ANO8: variants seen among roughly 807,000 people sequenced by gnomAD.
ANO8 encodes anoctamin-8.
Under a neutral mutation model 120.4 loss-of-function variants are expected in ANO8, and 67 were observed. The observed-to-expected ratio is 0.56, with a 90% confidence interval of 0.46 to 0.68. The LOEUF (loss-of-function observed/expected upper bound fraction) is 0.68. Ranked by LOEUF, ANO8 falls within the 30% of genes least tolerant of loss-of-function variation. ANO8 has a pLI of 0.00. For missense variants in ANO8, 1,526 were observed against 1,737.6 expected (o/e 0.88, Z 2.16); for synonymous variants, 727 against 759.2 (o/e 0.96, Z 0.70).
Position 17,323,452 on chromosome 19 carries a change from G to T in ANO8, c.*65C>A. On this transcript the variant is annotated 3_prime_UTR_variant, in exon 18 of 18. Transcript: ENST00000159087. ...GGGGCTGAAGCGCATTTTGCATTTT[G>T]GAGACCGGCCGCCCCTGTGAATGAC... The T allele has an allele frequency of 7.8e-7, 1 of 1,274,330 alleles. No individual in the cohort carries two copies. The highest frequency in any genetic ancestry group is 3.1e-5 in the Admixed American group (1 of 32,064). 78.9% of individuals were successfully genotyped at this position (1,274,330 alleles called of 1,614,324 possible).
In ANO8 at chr19:17,334,827, T is replaced by A. The variant is rs899596661; in HGVS notation, c.-157A>T. On this transcript the variant is annotated 5_prime_UTR_variant, in exon 1 of 18. Coordinates refer to ENST00000159087, the MANE Select transcript of ANO8 (RefSeq NM_020959.3). ...TCCTCGCTCGCCCGAGCGCTGCTTC[T>A]CGTCCCCGCCCGAGCCGAACCTCGA... 1.4e-4 allele frequency: 176 copies of A among 1,260,172 alleles called. No homozygotes were observed. Among genetic ancestry groups the A allele is most frequent in the Non-Finnish European group, 1.8e-4 (171 of 947,450 alleles). The allele number at this position is 1,260,172 out of a possible 1,614,324, so 78.1% of individuals were successfully genotyped here.
intron 17 of ANO8, 146 bp downstream of exon 17, chr19:17,324,571 G>T (rs2074260011): frequency 2.2e-6 from 3 of 1,348,364 alleles, no homozygotes; most frequent in Non-Finnish European, 2.9e-6. Context: ...TAACTGAGAG[G>T]CTCCACGTAC....
At position 17,323,483 on chromosome 19, in the gene ANO8, T is replaced by A; in HGVS notation, c.*34A>T. ...CGGCCGCCCCTGTGAATGACTGATA[T>A]TGCATATGAGAAGAGAAGGCAGGGC... On this transcript the variant is annotated 3_prime_UTR_variant, in exon 18 of 18. Coordinates refer to ENST00000159087, the MANE Select transcript of ANO8 (RefSeq NM_020959.3). 3.1e-6 allele frequency: 4 copies of A among 1,288,806 alleles called. No individual in the cohort carries two copies. Among genetic ancestry groups the A allele is most frequent in the Non-Finnish European group, 3.9e-6 (4 of 1,017,358 alleles). The allele number at this position is 1,288,806 out of a possible 1,614,324, so 79.8% of individuals were successfully genotyped here.
Position 17,327,835 on chromosome 19 carries a change from C to T in ANO8, c.2272G>A (p.Val758Ile), listed in dbSNP as rs781382199. ...GGGAAGGCGGACGAGAAGAGCACAA[C>T]GTAGCCGAACTGCACGAACATCTCC... ...YQEMFVQFGY[V>I]VLFSSAFPLA... The change falls in exon 14 of 18, where the codon GTT (valine) becomes ATT (isoleucine). Residue 758 changes from valine (V) to isoleucine (I), a missense_variant. Around this residue, in one of 8 missense-constraint regions of ANO8, gnomAD observed 77 missense variants for 131.5 expected, o/e 0.59. Coordinates refer to ENST00000159087, the MANE Select transcript of ANO8 (RefSeq NM_020959.3). The T allele has an allele frequency of 3.1e-6, 5 of 1,614,184 alleles. No individual in the cohort carries two copies. The South Asian group carries it at 3.3e-5, about 11-fold the overall frequency.
chr19:17,327,474 G>T lies in ANO8; in HGVS notation c.2514C>A (p.Ser838Arg), dbSNP rs920116771. The T allele has an allele frequency of 6.2e-7, 1 of 1,613,028 alleles. No individual in the cohort carries two copies. The highest frequency in any genetic ancestry group is 1.1e-5 in the South Asian group (1 of 91,050). Residue 838 changes from serine (S) to arginine (R), a missense_variant, in exon 15 of 18, where the codon AGC becomes AGA. Physicochemically the swap from Ser to Arg is moderately radical, Grantham distance 110 (BLOSUM62 -1). Around this residue, in one of 8 missense-constraint regions of ANO8, gnomAD observed 77 missense variants for 131.5 expected, o/e 0.59. Transcript: ENST00000159087. ...GQLQRLFPWLSPEAAIVSVVV... is the reference protein window; with the variant it reads ...GQLQRLFPWLRPEAAIVSVVV... Reference sequence around the variant, plus strand: ...CCACCGACACGATGGCTGCCTCCGGGCTCAGCCAGGGGAAGAGGCGCTGCA... The same window carrying T: ...CCACCGACACGATGGCTGCCTCCGGTCTCAGCCAGGGGAAGAGGCGCTGCA...
intron 8 of ANO8, 83 bp downstream of exon 8, chr19:17,330,745 C>A (rs1460413863): frequency 6.6e-7 from 1 of 1,521,710 alleles, no homozygotes; most frequent in Non-Finnish European, 8.8e-7. Context: ...CTGTTTCACA[C>A]CTCTCTGCCT....
intron 16 of ANO8, among the ~76,000 whole-genome samples, chr19:17,325,800 C>T (rs549215112): frequency 6.6e-6 from 1 of 152,288 alleles, no homozygotes; most frequent in East Asian, 1.9e-4. Flanking sequence ...TGGTGGCACA[C>T]GCCTGTAATT....
rs200606316 is a variant in ANO8, at chr19:17,327,752, G to A, written c.2355C>T (p.Phe785=). 15 of 1,614,116 alleles carry A rather than the reference G, an allele frequency of 9.3e-6. No homozygotes were observed. In the Admixed American group the frequency reaches 2.5e-4, roughly 27 times the overall value. ...NNLIEIRSDA[F]KLCTGLQRPF... is the part of the protein sequence containing the mutation. The stretch of plus-strand genomic sequence containing the variant: ...GCCGCTGCAGCCCGGTGCACAGCTT[G>A]AAGGCGTCGCTGCGGATCTCAATGA... The change falls in exon 14 of 18, where the codon TTC becomes TTT. Residue 785 remains phenylalanine, a synonymous_variant. Coordinates refer to ENST00000159087, the MANE Select transcript of ANO8 (RefSeq NM_020959.3).
chr19:17,334,774 A>T lies in ANO8; in HGVS notation c.-104T>A. ...CGGAGCGCGCGGGAGGAGGAGACAA[A>T]GGCCGCGCCCGCCCGCGCCGGCCTC... On this transcript the variant is annotated 5_prime_UTR_variant, in exon 1 of 18. Coordinates refer to ENST00000159087, the MANE Select transcript of ANO8 (RefSeq NM_020959.3). 2 of 1,168,392 alleles carry T rather than the reference A, an allele frequency of 1.7e-6. No homozygotes were observed. Among genetic ancestry groups the T allele is most frequent in the Non-Finnish European group, 2.3e-6 (2 of 884,336 alleles). The allele number at this position is 1,168,392 out of a possible 1,614,324, so 72.4% of individuals were successfully genotyped here. A position where few individuals can be genotyped will look rare whatever the true frequency, so the allele number is the denominator to read the frequency against.
chr19:17,327,763 T>C lies in ANO8; in HGVS notation c.2344A>G (p.Ser782Gly). 6.2e-7 allele frequency: 1 copy of C among 1,614,118 alleles called. No homozygotes were observed. The highest frequency in any genetic ancestry group is 8.5e-7 in the Non-Finnish European group (1 of 1,180,006). Residue 782 changes from serine (S) to glycine (G), a missense_variant, in exon 14 of 18, where the codon AGC becomes GGC. Transcript: ENST00000159087. ...ALVNNLIEIR[S>G]DAFKLCTGLQ... is the part of the protein sequence containing the mutation. ...CCGGTGCACAGCTTGAAGGCGTCGC[T>C]GCGGATCTCAATGAGGTTGTTGACC...
chr19:17,324,814 G>A lies in ANO8; in HGVS notation c.3234C>T (p.Thr1078=). ...GAACCCGGCTGCTGCCACTGCTGGG[G>A]GTCCCATCTGGCCGGGCCTGCCCGC... The part of the protein sequence containing the change: ...GAGGQARPDG[T]PSSGSSRVQR... Residue 1078 remains threonine (T), a synonymous_variant, in exon 17 of 18, where the codon ACC becomes ACT. Coordinates refer to ENST00000159087, the MANE Select transcript of ANO8 (RefSeq NM_020959.3). 3.1e-6 allele frequency: 5 copies of A among 1,604,848 alleles called. No individual in the cohort carries two copies. The highest frequency in any genetic ancestry group is 4.3e-6 in the Non-Finnish European group (5 of 1,175,376).
Position 17,333,300 on chromosome 19 carries a change from G to A in ANO8, c.351-61C>T, listed in dbSNP as rs2074333615. The A allele has an allele frequency of 1.2e-6, 2 of 1,601,846 alleles. No homozygotes were observed. The highest frequency in any genetic ancestry group is 1.1e-5 in the South Asian group (1 of 90,532). ...GGCCCCGGCCCACCATCCTGGAGCTGAGGATGGTGCACCTGGCAGCCTTTG... is the reference window on the plus strand; with the variant it reads ...GGCCCCGGCCCACCATCCTGGAGCTAAGGATGGTGCACCTGGCAGCCTTTG... On this transcript the variant is annotated intron_variant, in intron 3 of 17. Coordinates refer to ENST00000159087, the MANE Select transcript of ANO8 (RefSeq NM_020959.3). This position sits in a 1 kb window ranked among gnomAD's most constrained non-coding sequence, Gnocchi z 7.2.
rs1223002067 is a variant in ANO8, at chr19:17,324,996, C to T, written c.3052G>A (p.Asp1018Asn). ...PPPAQSPTGS[D>N]TRLPAFLSFK... ...CTGAGGAAGGCAGGCAGGCGGGTGTCGCTGCCTGTGGGTGACTGGGCAGGG... is the reference window on the plus strand; with the variant it reads ...CTGAGGAAGGCAGGCAGGCGGGTGTTGCTGCCTGTGGGTGACTGGGCAGGG... The change falls in exon 17 of 18, where the codon GAC becomes AAC. Residue 1018 changes from aspartate to asparagine, a missense_variant. Physicochemically the swap from Asp to Asn is conservative, Grantham distance 23 (BLOSUM62 1). Transcript: ENST00000159087. 1.1e-5 allele frequency: 17 copies of T among 1,612,680 alleles called. No individual in the cohort carries two copies. Among genetic ancestry groups the T allele is most frequent in the Admixed American group, 1.7e-5 (1 of 59,996 alleles).
chr19:17,329,422 C>G, intron 12 of ANO8: 1 of 402,898 alleles, frequency 2.5e-6, no homozygotes, highest in Non-Finnish European at 4.5e-6. Context: ...TGGCCCGGGC[C>G]GCGAGCAGGA....
In ANO8 at chr19:17,324,802, G is replaced by A; in HGVS notation, c.3246C>T (p.Gly1082=). The change falls in exon 17 of 18, where the codon GGC becomes GGT. Residue 1082 remains glycine (G), a synonymous_variant. Coordinates refer to ENST00000159087, the MANE Select transcript of ANO8 (RefSeq NM_020959.3). ...GCCCACTCCTCTGAACCCGGCTGCT[G>A]CCACTGCTGGGGGTCCCATCTGGCC... ...QARPDGTPSS[G]SSRVQRSGPV... 5.0e-6 allele frequency: 8 copies of A among 1,597,468 alleles called. No individual in the cohort carries two copies. The highest frequency in any genetic ancestry group is 6.8e-6 in the Non-Finnish European group (8 of 1,171,966).
Position 17,330,192 on chromosome 19 carries a change from C to A in ANO8, c.1206G>T (p.Met402Ile), listed in dbSNP as rs1444769110. 6.2e-7 allele frequency: 1 copy of A among 1,614,110 alleles called. No individual in the cohort carries two copies. Among genetic ancestry groups the A allele is most frequent in the Admixed American group, 1.7e-5 (1 of 60,022 alleles). Residue 402 changes from methionine (M) to isoleucine (I), a missense_variant, in exon 10 of 18, where the codon ATG becomes ATT. Transcript: ENST00000159087. ...PRLARFLPKV[M>I]LALLVSVSAE... ...CACTCACACTGACAAGCAGGGCCAGCATGACCTTAGGCAGGAATCGGGCGA... is the reference window on the plus strand; with the variant it reads ...CACTCACACTGACAAGCAGGGCCAGAATGACCTTAGGCAGGAATCGGGCGA...
Position 17,334,649 on chromosome 19 carries a change from C to T in ANO8, c.22G>A (p.Ala8Thr). ...TCGCCCTCCAGGGACGTGCCCCCGG[C>T]GCCGGAGGCGGCCTCGGCCATGGCG... MAEAASG[A>T]GGTSLEGERG... is the part of the protein sequence containing the mutation. The change falls in exon 1 of 18, where the codon GCC becomes ACC. Residue 8 changes from alanine to threonine, a missense_variant. Ala to Thr is a moderately conservative substitution (Grantham distance 58). Around this residue, in one of 8 missense-constraint regions of ANO8, gnomAD observed 53 missense variants for 45.0 expected, o/e 1.18. Coordinates refer to ENST00000159087, the MANE Select transcript of ANO8 (RefSeq NM_020959.3). 1 of 1,478,672 alleles carries T rather than the reference C, an allele frequency of 6.8e-7. No individual in the cohort carries two copies. The allele number at this position is 1,478,672 out of a possible 1,614,324, so 91.6% of individuals were successfully genotyped here. A position where few individuals can be genotyped will look rare whatever the true frequency, so the allele number is the denominator to read the frequency against.
chr19:17,328,399 C>G lies in ANO8; in HGVS notation c.1989G>C (p.Ala663=). ...VFTLAEEDDE[A]EGAPGSPERE... ...GTTCAGGGCTGCCGGGAGCCCCCTCCGCCTCGTCGTCCTCCTCGGCCAGGG... is the reference window on the plus strand; with the variant it reads ...GTTCAGGGCTGCCGGGAGCCCCCTCGGCCTCGTCGTCCTCCTCGGCCAGGG... Residue 663 remains alanine, a synonymous_variant, in exon 13 of 18, where the codon GCG becomes GCC. Transcript: ENST00000159087. 1 of 1,571,768 alleles carries G rather than the reference C, an allele frequency of 6.4e-7. No homozygotes were observed. The highest frequency in any genetic ancestry group is 8.6e-7 in the Non-Finnish European group (1 of 1,164,038).
Position 17,331,082 on chromosome 19 carries a change from C to T in ANO8, c.831+6G>A, listed in dbSNP as rs1568361620. ...CCCCAGACCTTGCAGGGTCCCTGCC[C>T]AGTACCTGATCAGCCTCTGTGAATG... On this transcript the variant is annotated splice_donor_region_variant and intron_variant, in intron 7 of 17. Transcript: ENST00000159087. The T allele has an allele frequency of 6.2e-7, 1 of 1,614,148 alleles. No individual in the cohort carries two copies.
Sources: allele counts gnomAD v4.1 joint callset (sites outside exome capture counted in the v4.1 genomes callset), GRCh38; gene constraint gnomAD v4.1.1; regional missense constraint gnomAD v4.1.1; non-coding constraint Gnocchi (gnomAD v3.1); transcripts MANE v1.5; gene names NCBI Gene and HGNC (gene_info 2026-07-23, HGNC 2026-07-21).